The following PDE1A variants were observed in gnomAD, a reference collection of about 807,000 sequenced individuals.
The protein encoded by PDE1A is dual specificity calcium/calmodulin-dependent 3',5'-cyclic nucleotide phosphodiesterase 1A.
Under a neutral mutation model 61.7 loss-of-function variants are expected in PDE1A, and 35 were observed. That is an observed-to-expected ratio of 0.57 (90% CI 0.43 to 0.75). The LOEUF is 0.75. PDE1A is among the 30% of genes least tolerant of loss of function. The pLI, the probability that PDE1A is intolerant of heterozygous loss-of-function variation, is 0.00. For missense variants in PDE1A, 597 were observed against 630.6 expected (o/e 0.95, Z 0.57); for synonymous variants, 232 against 213.2 (o/e 1.09, Z -0.77).
intron 2 of PDE1A, among the ~76,000 whole-genome samples, chr2:182,263,679 C>T (rs1692394356): frequency 1.3e-5 from 2 of 152,194 alleles, no homozygotes; most frequent in South Asian, 2.1e-4. Context: ...ACACTGGTCA[C>T]ATCTCCTGGA....
At chr2:182,429,033 A>T (rs1703785581), upstream of PDE1A, among the ~76,000 whole-genome samples, 1 of 152,220 alleles carries the variant, frequency 6.6e-6, no homozygotes, top group African/African-American at 2.4e-5. Context: ...TAGGAAATCC[A>T]TAACATACTT....
chr2:182,519,190 C>T (rs1381206626), intron 2 of PDE1A, among the ~76,000 whole-genome samples: 1 of 152,040 alleles, frequency 6.6e-6, no homozygotes, highest in Non-Finnish European at 1.5e-5. Flanking sequence ...TAAGAAACTT[C>T]TGAATCAGAA....
chr2:182,602,351 C>T, the PDE1A span, among the ~76,000 whole-genome samples: 13 of 152,374 alleles, frequency 8.5e-5, 1 homozygote, highest in African/African-American at 3.1e-4. Flanking sequence ...ATGATGACAG[C>T]GGTTGTGCTG....
At chr2:182,644,985 ATTT>A in the PDE1A span, among the ~76,000 whole-genome samples, 245 of 128,084 alleles carry the variant, frequency 1.9e-3, no homozygotes, top group African/African-American at 5.6e-3. Flanking sequence ...TGTCTTCTGT[ATTT>A]TTTTTTTTTT....
At chr2:182,443,488 C>T (rs775411502) in intron 2 of PDE1A, among the ~76,000 whole-genome samples, 8 of 151,716 alleles carry the variant, frequency 5.3e-5, no homozygotes, top group Non-Finnish European at 1.0e-4. Flanking sequence ...TTGCTGGTCT[C>T]GAGATAGTGA....
chr2:182,248,109 T>A (rs558768547), intron 2 of PDE1A, among the ~76,000 whole-genome samples: 15 of 152,104 alleles, frequency 9.9e-5, no homozygotes, highest in Admixed American at 8.5e-4. Flanking sequence ...TACAAAAATT[T>A]AGCTGGGTGT....
At chr2:182,383,580 C>T (rs1035579133) in intron 1 of PDE1A, among the ~76,000 whole-genome samples, 17 of 151,836 alleles carry the variant, frequency 1.1e-4, no homozygotes, top group Non-Finnish European at 1.6e-4. Flanking sequence ...GAAAATATGC[C>T]GACTGGAGAG....
In PDE1A at chr2:182,292,766, T is replaced by C. The variant is rs1694622941; in HGVS notation, c.54-28352A>G. 2.6e-5 allele frequency among the ~76,000 whole-genome samples: 4 copies of C among 152,066 alleles called. 1 individual carries two copies. The highest frequency in any genetic ancestry group is 2.1e-4 in the South Asian group (1 of 4,832). On this transcript the variant is annotated intron_variant, in intron 1 of 13. Transcript: ENST00000351439. Reference sequence around the variant, plus strand: ...CTATCTCCTCTCTCTTTCTTACCTTTTAAATTAAAAGTTTGATGTTTCTCA... The same window carrying C: ...CTATCTCCTCTCTCTTTCTTACCTTCTAAATTAAAAGTTTGATGTTTCTCA...
At chr2:182,532,691 C>T in the PDE1A span, among the ~76,000 whole-genome samples, 1 of 152,140 alleles carries the variant, frequency 6.6e-6, no homozygotes, top group South Asian at 2.1e-4. Flanking sequence ...GGCACAGTGG[C>T]TCACGCCTGT....
chr2:182,427,259 A>G (rs139467208), upstream of PDE1A, among the ~76,000 whole-genome samples: 3 of 152,278 alleles, frequency 2.0e-5, no homozygotes, highest in African/African-American at 7.2e-5. Context: ...GCTTGTATTC[A>G]TGCTGGCTGA....
At chr2:182,636,397 A>C in the PDE1A span, among the ~76,000 whole-genome samples, 10 of 152,248 alleles carry the variant, frequency 6.6e-5, 1 homozygote, top group African/African-American at 2.4e-4. Context: ...TTCTAGAAGG[A>C]AAACAGCATA....
the PDE1A span, among the ~76,000 whole-genome samples, chr2:182,581,805 C>T: frequency 5.3e-5 from 8 of 152,128 alleles, no homozygotes; most frequent in Admixed American, 1.3e-4. Flanking sequence ...TCAACCAGAA[C>T]GTGAGCTGAT....
chr2:182,640,063 C>T, the PDE1A span, among the ~76,000 whole-genome samples: 1 of 152,120 alleles, frequency 6.6e-6, no homozygotes, highest in African/African-American at 2.4e-5. Flanking sequence ...CATATAACTC[C>T]TCAATGTCTT....
intron 2 of PDE1A, among the ~76,000 whole-genome samples, chr2:182,484,263 A>C (rs1687875040): frequency 6.6e-6 from 1 of 152,016 alleles, no homozygotes. Flanking sequence ...TTCAAACCCA[A>C]AGATACCACA....
intron 1 of PDE1A, among the ~76,000 whole-genome samples, chr2:182,352,781 T>A (rs1698962245): frequency 6.6e-6 from 1 of 151,980 alleles, no homozygotes; most frequent in South Asian, 2.1e-4. Flanking sequence ...TTAGATAAGA[T>A]TTTGTAAACA....
chr2:182,245,036 G>A (rs1012192231), intron 2 of PDE1A, among the ~76,000 whole-genome samples: 1 of 152,120 alleles, frequency 6.6e-6, no homozygotes, highest in South Asian at 2.1e-4. Context: ...TGTGAAATGG[G>A]GGAAGCCTCC....
At chr2:182,533,017 T>TA in the PDE1A span, among the ~76,000 whole-genome samples, 2 of 141,748 alleles carry the variant, frequency 1.4e-5, no homozygotes, top group African/African-American at 5.2e-5. Flanking sequence ...ATAAAGTTGT[T>TA]AAAAAGCAAA....
the PDE1A span, among the ~76,000 whole-genome samples, chr2:182,661,802 T>C: frequency 6.6e-6 from 1 of 152,084 alleles, no homozygotes; most frequent in Admixed American, 6.6e-5. Context: ...TTTGTAATAA[T>C]AGCAACGAAA....
intron 3 of PDE1A, among the ~76,000 whole-genome samples, chr2:182,239,126 ACT>A (rs1690296683): frequency 6.6e-6 from 1 of 152,176 alleles, no homozygotes; most frequent in South Asian, 2.1e-4. Context: ...TCTCATTTAC[ACT>A]TTTAGAAATT....
Sources: allele counts gnomAD v4.1 joint callset (sites outside exome capture counted in the v4.1 genomes callset), GRCh38; gene constraint gnomAD v4.1.1; transcripts MANE v1.5; gene names NCBI Gene and HGNC (gene_info 2026-07-23, HGNC 2026-07-21).